GPC6: variants seen among roughly 807,000 people sequenced by gnomAD.
GPC6 encodes glypican 6.
Under a neutral mutation model 55.2 loss-of-function variants are expected in GPC6, and 14 were observed. That is an observed-to-expected ratio of 0.25 (90% CI 0.17 to 0.40). The LOEUF (loss-of-function observed/expected upper bound fraction) is 0.40. Ranked by LOEUF, GPC6 falls within the 10% of genes least tolerant of loss-of-function variation. GPC6 has a pLI of 1.00. For missense variants in GPC6, 641 were observed against 708.5 expected (o/e 0.90, Z 1.08); for synonymous variants, 278 against 259.6 (o/e 1.07, Z -0.68).
rs1406992252 is a variant in GPC6, at chr13:93,660,635, A to G, written c.319+115214A>G. 5.3e-5 allele frequency among the ~76,000 whole-genome samples: 8 copies of G among 152,272 alleles called. 1 individual carries two copies. The South Asian group carries it at 8.3e-4, about 16-fold the overall frequency. On this transcript the variant is annotated intron_variant, in intron 2 of 8. Coordinates refer to ENST00000377047, the MANE Select transcript of GPC6 (RefSeq NM_005708.5). ...TTTGTAGTCTTTGCATACAATTTAC[A>G]TTTTAGAATTCACCTCTGGGAAACT...
At chr13:94,188,963 A>C (rs1889294794) in intron 4 of GPC6, among the ~76,000 whole-genome samples, 1 of 152,156 alleles carries the variant, frequency 6.6e-6, no homozygotes, top group Admixed American at 6.5e-5. Context: ...GTGGAGAAGC[A>C]GCCCCAGTTT....
rs190071463 is a variant in GPC6, at chr13:94,016,450, T to A, written c.712-11279T>A. Among the ~76,000 whole-genome samples, 176 of 152,318 alleles carry A rather than the reference T, an allele frequency of 1.2e-3. 1 individual carries two copies. Among genetic ancestry groups the A allele is most frequent in the African/African-American group, 4.0e-3 (168 of 41,586 alleles). The stretch of plus-strand genomic sequence containing the variant: ...CCTGTTTTCAATTTTTTGGAATAAA[T>A]ACCCAGAAGTGGCATTGCTAGGTAG... On this transcript the variant is annotated intron_variant, in intron 3 of 8. Transcript: ENST00000377047.
chr13:93,999,275 G>A (rs1881693594), intron 3 of GPC6, among the ~76,000 whole-genome samples: 1 of 152,146 alleles, frequency 6.6e-6, no homozygotes, highest in African/African-American at 2.4e-5. Context: ...GTGAGGACAT[G>A]CAGTGTTTGG....
At chr13:94,365,229 C>G (rs1199501501) in intron 6 of GPC6, among the ~76,000 whole-genome samples, 1 of 152,212 alleles carries the variant, frequency 6.6e-6, no homozygotes, top group Non-Finnish European at 1.5e-5. Context: ...GAAAGACTTT[C>G]AGCTAAATCA....
intron 3 of GPC6, among the ~76,000 whole-genome samples, chr13:93,999,017 T>C (rs1463302356): frequency 2.0e-5 from 3 of 152,196 alleles, no homozygotes; most frequent in Non-Finnish European, 4.4e-5. Flanking sequence ...TTCTACTTTC[T>C]GCTTCTATGA....
intron 3 of GPC6, among the ~76,000 whole-genome samples, chr13:93,869,017 T>C (rs1412681956): frequency 6.6e-6 from 1 of 151,852 alleles, no homozygotes; most frequent in Non-Finnish European, 1.5e-5. Flanking sequence ...ACTTAATTTT[T>C]GGTTGGGGTA....
chr13:93,323,440 T>G (rs1192859983), intron 1 of GPC6, among the ~76,000 whole-genome samples: 1 of 152,170 alleles, frequency 6.6e-6, no homozygotes, highest in African/African-American at 2.4e-5. Flanking sequence ...TTTCCTTTCT[T>G]TTCTGCCATC....
intron 4 of GPC6, among the ~76,000 whole-genome samples, chr13:94,213,571 G>T (rs1248489549): frequency 6.6e-6 from 1 of 152,014 alleles, no homozygotes; most frequent in African/African-American, 2.4e-5. Flanking sequence ...TAGCTCTCGG[G>T]TTGGCAGAGG....
intron 4 of GPC6, among the ~76,000 whole-genome samples, chr13:94,048,704 G>A (rs1030458239): frequency 2.0e-5 from 3 of 152,034 alleles, no homozygotes; most frequent in Admixed American, 6.6e-5. Context: ...TCTGGTCGCA[G>A]GAGGCAATGT....
Position 94,022,473 on chromosome 13 carries a change from A to G in GPC6, c.712-5256A>G, listed in dbSNP as rs1170163684. ...ATTGTGCATATATACCAACTTCTTT[A>G]TCCATTCTTTCCATGATGCACACCT... On this transcript the variant is annotated intron_variant, in intron 3 of 8. Coordinates refer to ENST00000377047, the MANE Select transcript of GPC6 (RefSeq NM_005708.5). Among the ~76,000 whole-genome samples the G allele has an allele frequency of 3.3e-5, 5 of 152,012 alleles. No individual in the cohort carries two copies. In the East Asian group the frequency reaches 9.7e-4, roughly 29 times the overall value.
At chr13:93,538,941 T>A (rs76240017) in intron 1 of GPC6, among the ~76,000 whole-genome samples, 5 of 150,994 alleles carry the variant, frequency 3.3e-5, no homozygotes, top group Non-Finnish European at 5.9e-5. Flanking sequence ...TTTTTTTTTT[T>A]ATTATACTTT....
chr13:93,960,555 A>G (rs1196856968), intron 3 of GPC6, among the ~76,000 whole-genome samples: 4 of 152,164 alleles, frequency 2.6e-5, no homozygotes, highest in South Asian at 4.1e-4. Context: ...TGAATGCAAC[A>G]AAAATGGCAG....
intron 4 of GPC6, among the ~76,000 whole-genome samples, chr13:94,228,802 A>AC (rs915929181): frequency 1.6e-4 from 24 of 151,958 alleles, no homozygotes; most frequent in African/African-American, 5.3e-4. Flanking sequence ...TGGTTTAAAA[A>AC]AAAAAAAAAA....
rs1441232547 is a variant in GPC6 at position 93,265,066 on chromosome 13, G to A, written c.160+37450G>A. Among the ~76,000 whole-genome samples, 11 of 152,094 alleles carry A rather than the reference G, an allele frequency of 7.2e-5. 2 individuals are homozygous for A. The Middle Eastern group carries it at 0.027, about 376-fold the overall frequency. On this transcript the variant is annotated intron_variant, in intron 1 of 8. Coordinates refer to ENST00000377047, the MANE Select transcript of GPC6 (RefSeq NM_005708.5). ...AAATCTGGCCTGCTTTATTTTAGAC[G>A]CCAAACATATGGCCATAGCTCATTA...
chr13:93,647,181 G>A (rs557342362), intron 2 of GPC6, among the ~76,000 whole-genome samples: 11 of 152,186 alleles, frequency 7.2e-5, no homozygotes, highest in Non-Finnish European at 1.6e-4. Flanking sequence ...AATTTAAATT[G>A]TATGTGTCCT....
intron 2 of GPC6, among the ~76,000 whole-genome samples, chr13:93,787,256 G>T (rs917201463): frequency 2.0e-5 from 3 of 152,142 alleles, no homozygotes; most frequent in Non-Finnish European, 2.9e-5. Flanking sequence ...TATGACAGGG[G>T]TTGGCAAATT....
chr13:94,190,468 A>C (rs1489401333), intron 4 of GPC6, among the ~76,000 whole-genome samples: 2 of 152,168 alleles, frequency 1.3e-5, no homozygotes, highest in Non-Finnish European at 2.9e-5. Flanking sequence ...ATGATCCATC[A>C]CTTTAGTTGA....
At chr13:93,794,831 G>A (rs1045928888) in intron 2 of GPC6, among the ~76,000 whole-genome samples, 1 of 152,098 alleles carries the variant, frequency 6.6e-6, no homozygotes, top group Non-Finnish European at 1.5e-5. Context: ...GTGAATAATA[G>A]GAAGTTTATT....
intron 1 of GPC6, among the ~76,000 whole-genome samples, chr13:93,479,908 G>C (rs1219168928): frequency 2.0e-5 from 3 of 152,146 alleles, no homozygotes; most frequent in Non-Finnish European, 2.9e-5. Context: ...TATCTCTATG[G>C]TTTAATTCAT....
Sources: allele counts gnomAD v4.1 joint callset (sites outside exome capture counted in the v4.1 genomes callset), GRCh38; gene constraint gnomAD v4.1.1; transcripts MANE v1.5; gene names NCBI Gene and HGNC (gene_info 2026-07-23, HGNC 2026-07-21).